Variants in TRHDE observed in about 807,000 individuals in gnomAD.
TRHDE encodes the protein thyrotropin-releasing hormone-degrading ectoenzyme.
TRHDE carries 72 observed loss-of-function variants against 125.7 expected under a neutral mutation model. The ratio of observed to expected loss-of-function variants is 0.57; its 90% CI spans 0.47 to 0.70. TRHDE has a LOEUF of 0.70. Ranked by LOEUF, TRHDE falls within the 30% of genes least tolerant of loss-of-function variation. TRHDE has a pLI of 0.00. For synonymous variants in TRHDE, 509 were observed against 509.1 expected (o/e 1.00, Z 0.00); for missense variants, 1,110 against 1,327.1 (o/e 0.84, Z 2.54).
intron 15 of TRHDE, among the ~76,000 whole-genome samples, chr12:72,640,495 G>T (rs1002615792): frequency 6.6e-6 from 1 of 152,178 alleles, no homozygotes; most frequent in South Asian, 2.1e-4. Context: ...GCTGTAGACC[G>T]GAGCTGTTCC....
At chr12:72,497,251 T>C (rs982440010) in intron 5 of TRHDE, among the ~76,000 whole-genome samples, 2 of 152,164 alleles carry the variant, frequency 1.3e-5, no homozygotes, top group Admixed American at 1.3e-4. Context: ...AGTAATATGA[T>C]ATATAATTCA....
intron 2 of TRHDE, among the ~76,000 whole-genome samples, chr12:72,232,413 C>A (rs1456593624): frequency 6.6e-6 from 1 of 152,004 alleles, no homozygotes; most frequent in African/African-American, 2.4e-5. Flanking sequence ...ATAGAAGGTG[C>A]TGGAATATGG....
Position 72,568,639 on chromosome 12 carries a change from G to C in TRHDE, c.2114G>C (p.Trp705Ser). 6.2e-7 allele frequency: 1 copy of C among 1,610,232 alleles called. No homozygotes were observed. Among genetic ancestry groups the C allele is most frequent in the Non-Finnish European group, 8.5e-7 (1 of 1,177,368 alleles). The stretch of plus-strand genomic sequence containing the variant: ...CATGTGTCTTCAGAAGCAATTATTT[G>C]GGTGTCTAACAAATCAGGTAAACTA... ...RSHVSSEAIIWVSNKSEHHRI... is the reference protein window; with the variant it reads ...RSHVSSEAIISVSNKSEHHRI... Residue 705 changes from tryptophan to serine, a missense_variant, in exon 10 of 19, where the codon TGG becomes TCG. Trp to Ser is a radical substitution (Grantham distance 177). Transcript: ENST00000261180.
At chr12:72,296,316 A>G (rs1880297580) in intron 2 of TRHDE, among the ~76,000 whole-genome samples, 1 of 152,234 alleles carries the variant, frequency 6.6e-6, no homozygotes, top group African/African-American at 2.4e-5. Context: ...TACCAGTATC[A>G]TCACTTTTAA....
At position 72,238,304 on chromosome 12, in the gene TRHDE, A is replaced by G. The variant is rs1485301420; in HGVS notation, n.279+132552A>G. Among the ~76,000 whole-genome samples, 15 of 36,164 alleles carry G rather than the reference A, an allele frequency of 4.1e-4. 2 individuals are homozygous for G. Among genetic ancestry groups the G allele is most frequent in the African/African-American group, 1.2e-3 (13 of 10,476 alleles). 23.7% of individuals were successfully genotyped at this position (36,164 alleles called of 152,430 possible). A position where few individuals can be genotyped will look rare whatever the true frequency, so the allele number is the denominator to read the frequency against. ...TATATATATATATATATATATATATATATATATATATATATATACATATAT... is the reference window on the plus strand; with the variant it reads ...TATATATATATATATATATATATATGTATATATATATATATATACATATAT... On this transcript the variant is annotated intron_variant and non_coding_transcript_variant, in intron 2 of 4. Transcript: ENST00000548156.
upstream of TRHDE, chr12:72,272,121 G>A: frequency 2.2e-6 from 1 of 457,562 alleles, no homozygotes; most frequent in Non-Finnish European, 4.4e-6. The surrounding 1 kb of genome is among the most constrained non-coding windows in gnomAD (Gnocchi z 6.7). Context: ...CGCCGTCACT[G>A]CTGCTGCGAG....
In TRHDE at chr12:72,184,394, G is replaced by A. The variant is rs116660452; in HGVS notation, n.279+78642G>A. Among the ~76,000 whole-genome samples, 540 of 152,060 alleles carry A rather than the reference G, an allele frequency of 3.6e-3. 6 individuals are homozygous for A. Among genetic ancestry groups the A allele is most frequent in the African/African-American group, 0.013 (525 of 41,486 alleles). The stretch of plus-strand genomic sequence containing the variant: ...CTCTGTATCTGACCCTCCCCTCCCC[G>A]CTTCTTCCCCAGCCCAAGCACATGT... On this transcript the variant is annotated intron_variant and non_coding_transcript_variant, in intron 2 of 4. Transcript: ENST00000548156.
intron 3 of TRHDE, among the ~76,000 whole-genome samples, chr12:72,383,779 T>C (rs777571051): frequency 1.3e-5 from 2 of 151,656 alleles, no homozygotes; most frequent in African/African-American, 2.4e-5. Flanking sequence ...CTAAGTAATA[T>C]GTTTTGACCA....
At chr12:72,325,049 A>G (rs1869276511) in intron 2 of TRHDE, among the ~76,000 whole-genome samples, 1 of 152,148 alleles carries the variant, frequency 6.6e-6, no homozygotes, top group Non-Finnish European at 1.5e-5. Context: ...ACCAAAAGAA[A>G]GGGGCAAATT....
chr12:72,386,488 C>A (rs549697216), intron 3 of TRHDE, among the ~76,000 whole-genome samples: 66 of 152,160 alleles, frequency 4.3e-4, no homozygotes, highest in African/African-American at 1.5e-3. Context: ...GGAATTTTTC[C>A]TTTTTTCCTG....
At chr12:72,224,212 A>G (rs1018639492) in intron 2 of TRHDE, among the ~76,000 whole-genome samples, 4 of 148,184 alleles carry the variant, frequency 2.7e-5, no homozygotes, top group African/African-American at 7.5e-5. Context: ...CTATCTATCT[A>G]TCATCTATCT....
At chr12:72,352,595 G>A (rs983418089) in intron 2 of TRHDE, among the ~76,000 whole-genome samples, 3 of 151,624 alleles carry the variant, frequency 2.0e-5, no homozygotes. Flanking sequence ...ATAGATCTGG[G>A]CTAGGCAGTT....
At chr12:72,204,466 A>G (rs924061537) in intron 2 of TRHDE, among the ~76,000 whole-genome samples, 2 of 152,154 alleles carry the variant, frequency 1.3e-5, no homozygotes, top group Non-Finnish European at 2.9e-5. Flanking sequence ...ATTATATAAA[A>G]TCATAAATTA....
At chr12:72,370,481 A>C (rs539757329) in intron 2 of TRHDE, among the ~76,000 whole-genome samples, 1 of 152,260 alleles carries the variant, frequency 6.6e-6, no homozygotes, top group East Asian at 1.9e-4. Flanking sequence ...GACGGTATTA[A>C]ATTCATATTT....
intron 12 of TRHDE, among the ~76,000 whole-genome samples, chr12:72,600,821 A>G (rs2136058773): frequency 6.6e-6 from 1 of 152,172 alleles, no homozygotes; most frequent in African/African-American, 2.4e-5. Context: ...GTTGAGACCT[A>G]CTGCTCAGGG....
chr12:72,389,322 A>G (rs1420825376), intron 3 of TRHDE, among the ~76,000 whole-genome samples: 1 of 152,148 alleles, frequency 6.6e-6, no homozygotes, highest in Non-Finnish European at 1.5e-5. Flanking sequence ...AAAGTGAGTG[A>G]GAGTGAAATG....
At chr12:72,158,541 G>T (rs1876568547) in intron 2 of TRHDE, among the ~76,000 whole-genome samples, 1 of 151,890 alleles carries the variant, frequency 6.6e-6, no homozygotes, top group South Asian at 2.1e-4. Context: ...TATCAAATAT[G>T]TTGTAACTTT....
intron 2 of TRHDE, among the ~76,000 whole-genome samples, chr12:72,293,958 G>C (rs1413683597): frequency 1.3e-5 from 2 of 152,228 alleles, no homozygotes. Flanking sequence ...AGCTGCTGCA[G>C]TGGGGCAGGC....
chr12:72,517,710 T>C (rs1213087537), intron 6 of TRHDE, among the ~76,000 whole-genome samples: 1 of 151,980 alleles, frequency 6.6e-6, no homozygotes, highest in African/African-American at 2.4e-5. Flanking sequence ...TTGCTGTTGC[T>C]TTTCTAGTTC....
Sources: allele counts gnomAD v4.1 joint callset (sites outside exome capture counted in the v4.1 genomes callset), GRCh38; gene constraint gnomAD v4.1.1; non-coding constraint Gnocchi (gnomAD v3.1); transcripts MANE v1.5; gene names NCBI Gene and HGNC (gene_info 2026-07-23, HGNC 2026-07-21).